The following THSD7B variants were observed in gnomAD, a reference collection of about 807,000 sequenced individuals.
THSD7B encodes the protein thrombospondin type-1 domain-containing protein 7B.
THSD7B carries 138 observed loss-of-function variants against 213.6 expected under a neutral mutation model. The observed-to-expected ratio is 0.65, with a 90% CI of 0.56 to 0.74. The LOEUF (loss-of-function observed/expected upper bound fraction) is 0.74. Ranked by LOEUF, THSD7B falls within the 30% of genes least tolerant of loss-of-function variation. The pLI, the probability that THSD7B is intolerant of heterozygous loss-of-function variation, is 0.00. For synonymous variants in THSD7B, 742 were observed against 687.0 expected, an observed-to-expected ratio of 1.08 and a Z score of -1.25; for missense variants, 1,931 against 1,991.5, an observed-to-expected ratio of 0.97 and a Z score of 0.58.
chr2:136,990,001 T>C (rs533853041), intron 2 of THSD7B, among the ~76,000 whole-genome samples: 2,012 of 152,318 alleles, frequency 0.013, 31 homozygotes, highest in East Asian at 0.075. Context: ...TCTGCTTTCT[T>C]TTCTTGTTTT....
chr2:136,839,296 CCT>C (rs1335039362), intron 1 of THSD7B, among the ~76,000 whole-genome samples: 1 of 152,174 alleles, frequency 6.6e-6, no homozygotes, highest in African/African-American at 2.4e-5. Flanking sequence ...CATGTTTCTC[CCT>C]TTCTGTCTCC....
chr2:136,810,998 C>A (rs1055269014), intron 1 of THSD7B, among the ~76,000 whole-genome samples: 4 of 152,164 alleles, frequency 2.6e-5, no homozygotes, highest in Non-Finnish European at 5.9e-5. Context: ...GTTTTAAATA[C>A]AAGTTGCGTG....
chr2:137,415,995 GTCTTTTATT>G (rs1444709636), intron 14 of THSD7B, among the ~76,000 whole-genome samples: 2 of 152,100 alleles, frequency 1.3e-5, no homozygotes, highest in Non-Finnish European at 2.9e-5. Flanking sequence ...TATTAAAAAT[GTCTTTTATT>G]TATTTTCAAC....
chr2:137,433,058 G>C (rs1467052057), intron 14 of THSD7B, among the ~76,000 whole-genome samples: 1 of 152,148 alleles, frequency 6.6e-6, no homozygotes, highest in Non-Finnish European at 1.5e-5. Context: ...AAACAAGACA[G>C]ATGTGATCTC....
chr2:137,618,115 C>T (rs1488666703), intron 18 of THSD7B, among the ~76,000 whole-genome samples: 1 of 152,186 alleles, frequency 6.6e-6, no homozygotes, highest in Non-Finnish European at 1.5e-5. Context: ...TATCTTTCCT[C>T]TTCTACTCCA....
intron 21 of THSD7B, among the ~76,000 whole-genome samples, chr2:137,650,548 C>A (rs55745437): frequency 0.1 from 15,939 of 152,152 alleles, 1,009 homozygotes; most frequent in Non-Finnish European, 0.15. Flanking sequence ...TTGACGTCTT[C>A]CTTTCCAACT....
At chr2:137,259,377 T>G (rs575416622) in intron 10 of THSD7B, among the ~76,000 whole-genome samples, 44 of 152,360 alleles carry the variant, frequency 2.9e-4, no homozygotes, top group African/African-American at 1.0e-3. Flanking sequence ...TAATTGCCAT[T>G]CTGACTGGCA....
chr2:137,673,181 T>TGTCA (rs1423961845), intron 27 of THSD7B, among the ~76,000 whole-genome samples: 1 of 152,236 alleles, frequency 6.6e-6, no homozygotes, highest in Non-Finnish European at 1.5e-5. Context: ...GAGGCTTGCT[T>TGTCA]GTCAGTCCAC....
At chr2:137,115,613 C>A (rs1427533870) in intron 5 of THSD7B, among the ~76,000 whole-genome samples, 2 of 152,002 alleles carry the variant, frequency 1.3e-5, no homozygotes, top group Admixed American at 1.3e-4. Context: ...GAATGAATGG[C>A]ATTCTTTTTT....
rs372522758 is a variant in THSD7B, at chr2:137,148,040, GA to G, written c.1370-12171del. 3.9e-3 allele frequency among the ~76,000 whole-genome samples: 588 copies of G among 152,162 alleles called. 5 individuals are homozygous for G. The highest frequency in any genetic ancestry group is 0.013 in the African/African-American group (529 of 41,500). The stretch of plus-strand genomic sequence containing the variant: ...TGTGTCCCCACCCAAATTTTATCTT[GA>G]ATTGTAGTTCCCATAATCCCCAAGT... On this transcript the variant is annotated intron_variant, in intron 5 of 27. Transcript: ENST00000409968.
At chr2:137,497,912 A>T (rs940399086) in intron 15 of THSD7B, among the ~76,000 whole-genome samples, 1 of 152,126 alleles carries the variant, frequency 6.6e-6, no homozygotes, top group African/African-American at 2.4e-5. Context: ...CCAAGGAAAT[A>T]TTTTTCTATT....
intron 5 of THSD7B, among the ~76,000 whole-genome samples, chr2:137,136,147 G>A (rs1174506481): frequency 1.3e-5 from 2 of 152,068 alleles, no homozygotes; most frequent in African/African-American, 4.8e-5. Flanking sequence ...AGGGCCTGCT[G>A]GGGGGTGAGG....
At chr2:137,059,232 G>T (rs1325812384) in intron 3 of THSD7B, among the ~76,000 whole-genome samples, 2 of 152,022 alleles carry the variant, frequency 1.3e-5, no homozygotes, top group South Asian at 2.1e-4. Flanking sequence ...TATCACAAGG[G>T]CTCCACTCTC....
At chr2:137,003,295 T>G (rs933330382) in intron 2 of THSD7B, among the ~76,000 whole-genome samples, 3 of 152,176 alleles carry the variant, frequency 2.0e-5, no homozygotes, top group Non-Finnish European at 2.9e-5. Context: ...TTAAAAGCTT[T>G]GCTAAGGAAA....
rs530970185 is a variant in THSD7B at position 137,077,592 on chromosome 2, T to C, written c.951-17281T>C. Among the ~76,000 whole-genome samples, 10 of 152,334 alleles carry C rather than the reference T, an allele frequency of 6.6e-5. No individual in the cohort carries two copies. In the East Asian group the frequency reaches 7.7e-4, roughly 12 times the overall value. On this transcript the variant is annotated intron_variant, in intron 3 of 27. Transcript: ENST00000409968. ...TGATGGCCAGTGATGATGAGCATTT[T>C]TTCATGTGTCTTTTGCTGCATAAAT... is the stretch of plus-strand genomic sequence containing the variant.
chr2:136,874,797 A>G (rs1022106251), intron 1 of THSD7B, among the ~76,000 whole-genome samples: 6 of 152,220 alleles, frequency 3.9e-5, no homozygotes, highest in Admixed American at 6.5e-5. Flanking sequence ...ATGCTAAGAT[A>G]TATAGTAAAG....
In THSD7B at chr2:137,235,287, G is replaced by T. The variant is rs183788877; in HGVS notation, c.2150+2154G>T. ...AAAAATAAGTATGGATTAGATGTAGGAGTAACCCTACATAAAATGCAGCAA... is the reference window on the plus strand; with the variant it reads ...AAAAATAAGTATGGATTAGATGTAGTAGTAACCCTACATAAAATGCAGCAA... On this transcript the variant is annotated intron_variant, in intron 9 of 27. Transcript: ENST00000409968. Among the ~76,000 whole-genome samples, 527 of 152,218 alleles carry T rather than the reference G, an allele frequency of 3.5e-3. 8 individuals carry two copies. The highest frequency in any genetic ancestry group is 0.012 in the African/African-American group (499 of 41,536).
At chr2:136,963,138 C>T (rs1290533324) in intron 2 of THSD7B, among the ~76,000 whole-genome samples, 1 of 152,098 alleles carries the variant, frequency 6.6e-6, no homozygotes, top group South Asian at 2.1e-4. Flanking sequence ...GTATAGTCAC[C>T]ATCTCTTTCC....
chr2:136,827,206 C>G (rs552728066), intron 1 of THSD7B, among the ~76,000 whole-genome samples: 1 of 152,286 alleles, frequency 6.6e-6, no homozygotes, highest in Admixed American at 6.5e-5. Flanking sequence ...CCCAATTTTT[C>G]TGCGGATCTT....
Sources: allele counts gnomAD v4.1 joint callset (sites outside exome capture counted in the v4.1 genomes callset), GRCh38; gene constraint gnomAD v4.1.1; transcripts MANE v1.5; gene names NCBI Gene and HGNC (gene_info 2026-07-23, HGNC 2026-07-21).